The following NCAM1 variants were observed in gnomAD, a reference collection of about 807,000 sequenced individuals.
NCAM1 encodes the protein neural cell adhesion molecule 1.
In NCAM1, 14 loss-of-function variants were observed where a neutral mutation model predicts 109.8. The observed-to-expected ratio is 0.13, with a 90% CI of 0.08 to 0.20. NCAM1 has a LOEUF of 0.20. NCAM1 is among the 10% of genes least tolerant of loss of function. NCAM1 has a pLI of 1.00. For missense variants in NCAM1, 774 were observed against 1,109.9 expected (o/e 0.70, Z 4.30); for synonymous variants, 418 against 442.9 (o/e 0.94, Z 0.70).
chr11:113,098,271 C>T (rs534899723), intron 1 of NCAM1, among the ~76,000 whole-genome samples: 5 of 152,190 alleles, frequency 3.3e-5, no homozygotes, highest in African/African-American at 9.6e-5. Context: ...TAGGATTACG[C>T]CCCTTATCAG....
intron 9 of NCAM1, chr11:113,221,617 A>G (rs944273938): frequency 1.3e-5 from 4 of 314,450 alleles, no homozygotes; most frequent in Middle Eastern, 9.7e-4. Context: ...ATTGCCCCCA[A>G]TTCCCAGGCC....
At chr11:113,068,553 T>C (rs1318035005) in intron 1 of NCAM1, among the ~76,000 whole-genome samples, 1 of 152,192 alleles carries the variant, frequency 6.6e-6, no homozygotes, top group Non-Finnish European at 1.5e-5. Context: ...TCTGTAATCA[T>C]ATAGGTTGTT....
At chr11:112,967,049 T>G (rs1950746328) in intron 1 of NCAM1, among the ~76,000 whole-genome samples, 1 of 152,246 alleles carries the variant, frequency 6.6e-6, no homozygotes, top group Non-Finnish European at 1.5e-5. Flanking sequence ...AATTCAAAGA[T>G]TGCATGGCTG....
intron 13 of NCAM1, among the ~76,000 whole-genome samples, chr11:113,234,076 TC>T (rs1945090565): frequency 6.6e-6 from 1 of 151,994 alleles, no homozygotes; most frequent in Non-Finnish European, 1.5e-5. Context: ...CAGAATTAGT[TC>T]TGCCAGAAAG....
intron 14 of NCAM1, among the ~76,000 whole-genome samples, chr11:113,238,994 G>A (rs1466496225): frequency 6.6e-6 from 1 of 152,216 alleles, no homozygotes; most frequent in East Asian, 1.9e-4. Flanking sequence ...CAATAATGGG[G>A]TTGCTTTCTT....
Position 112,963,583 on chromosome 11 carries a change from C to A in NCAM1, c.52+1919C>A, listed in dbSNP as rs1950634741. ...CCCTGGGTCTCCGCTGCCACCTGGG[C>A]GGGGGCCACCCCGGTTATGCCCCTT... is the stretch of plus-strand genomic sequence containing the variant. On this transcript the variant is annotated intron_variant, in intron 1 of 19. Coordinates refer to ENST00000316851, the MANE Select transcript of NCAM1 (RefSeq NM_181351.5). This position sits in a 1 kb window ranked among gnomAD's most constrained non-coding sequence, Gnocchi z 4.6. 6.6e-6 allele frequency: 1 copy of A among 152,398 alleles called. No individual in the cohort carries two copies. The highest frequency in any genetic ancestry group is 1.5e-5 in the Non-Finnish European group (1 of 68,214). The allele number at this position is 152,398 out of a possible 1,614,324, so 9.4% of individuals were successfully genotyped here. A position where few individuals can be genotyped will look rare whatever the true frequency, so the allele number is the denominator to read the frequency against.
chr11:113,273,142 A>C lies in NCAM1; in HGVS notation c.2456+1266A>C. On this transcript the variant is annotated intron_variant, in intron 19 of 19. Coordinates refer to ENST00000316851, the MANE Select transcript of NCAM1 (RefSeq NM_181351.5). This position sits in a 1 kb window ranked among gnomAD's most constrained non-coding sequence, Gnocchi z 6.0. Reference sequence around the variant, plus strand: ...CCGGCTGGCCAGGCCACCCCTTCCAAGGGGCCCAGCGCCTCTGCCCCCTCC... The same window carrying C: ...CCGGCTGGCCAGGCCACCCCTTCCACGGGGCCCAGCGCCTCTGCCCCCTCC... The C allele has an allele frequency of 2.3e-6, 1 of 443,482 alleles. No homozygotes were observed. The allele number at this position is 443,482 out of a possible 1,614,324, so 27.5% of individuals were successfully genotyped here.
In NCAM1 at chr11:113,264,460, C is replaced by T. The variant is rs959043928; in HGVS notation, c.2131+4137C>T. The T allele has an allele frequency of 2.2e-5, 22 of 985,698 alleles. No homozygotes were observed. In the South Asian group the frequency reaches 3.8e-4, roughly 17 times the overall value. The allele number at this position is 985,698 out of a possible 1,614,324, so 61.1% of individuals were successfully genotyped here. A position where few individuals can be genotyped will look rare whatever the true frequency, so the allele number is the denominator to read the frequency against. ...CCTCTCAACCCAGCCACAAAACTCT[C>T]CCCGCTGGAGTCCCAGATGGCGCTT... On this transcript the variant is annotated intron_variant, in intron 17 of 19. Transcript: ENST00000316851.
chr11:113,277,871 AAAAAAG>A lies in NCAM1; in HGVS notation c.*2485_*2490del, dbSNP rs1383389275. On this transcript the variant is annotated 3_prime_UTR_variant, in exon 20 of 20. Coordinates refer to ENST00000316851, the MANE Select transcript of NCAM1 (RefSeq NM_181351.5). ...CTTTAAAAAAAAAAAAAAAAAAAAAAAAAAAGCAATGCTTTCTCTAAAATCAAAGAG... is the reference window on the plus strand; with the variant it reads ...CTTTAAAAAAAAAAAAAAAAAAAAAACAATGCTTTCTCTAAAATCAAAGAG... The A allele has an allele frequency of 2.6e-5, 4 of 154,302 alleles. No individual in the cohort carries two copies. The Admixed American group carries it at 2.6e-4, about 10-fold the overall frequency. 9.6% of individuals were successfully genotyped at this position (154,302 alleles called of 1,614,324 possible).
At chr11:112,972,351 A>G (rs1950907127) in intron 1 of NCAM1, among the ~76,000 whole-genome samples, 1 of 152,160 alleles carries the variant, frequency 6.6e-6, no homozygotes. Context: ...GGTTTTTATC[A>G]CGCCCACAAG....
At chr11:113,163,952 G>A (rs1298327907) in intron 1 of NCAM1, among the ~76,000 whole-genome samples, 1 of 152,134 alleles carries the variant, frequency 6.6e-6, no homozygotes, top group Non-Finnish European at 1.5e-5. Context: ...AGAGACAACT[G>A]TAGGACCCTA....
intron 15 of NCAM1, among the ~76,000 whole-genome samples, chr11:113,253,143 A>G (rs1245638319): frequency 6.6e-6 from 1 of 152,086 alleles, no homozygotes; most frequent in Non-Finnish European, 1.5e-5. Flanking sequence ...AACAAATCTA[A>G]AGATAAGAGA....
chr11:113,221,224 T>TA, intron 8 of NCAM1, 72 bp from the exon 9 acceptor site: 1 of 1,472,032 alleles, frequency 6.8e-7, no homozygotes, highest in South Asian at 1.2e-5. Flanking sequence ...TGCAGTGTGA[T>TA]ACATTCTCTA....
chr11:113,179,288 CA>C lies in NCAM1; in HGVS notation c.53-23089del. ...GAGTGTATGATTATGTGTGTACCCC[CA>C]ACTTGTTGATTCCTAAGTAAAGAAT... On this transcript the variant is annotated intron_variant, in intron 1 of 19. Coordinates refer to ENST00000316851, the MANE Select transcript of NCAM1 (RefSeq NM_181351.5). 2.0e-5 allele frequency among the ~76,000 whole-genome samples: 3 copies of C among 152,356 alleles called. No homozygotes were observed. In the East Asian group the frequency reaches 5.8e-4, roughly 29 times the overall value.
At chr11:113,272,539 C>T (rs1946305071) in intron 19 of NCAM1, among the ~76,000 whole-genome samples, 3 of 152,112 alleles carry the variant, frequency 2.0e-5, no homozygotes. Flanking sequence ...CCTCTGGGAC[C>T]TGGGAAGCCT....
intron 1 of NCAM1, among the ~76,000 whole-genome samples, chr11:112,976,652 G>A (rs1454188477): frequency 6.6e-6 from 1 of 151,894 alleles, no homozygotes; most frequent in Non-Finnish European, 1.5e-5. Context: ...CTGAAGGTAT[G>A]TAGATATTAT....
intron 15 of NCAM1, among the ~76,000 whole-genome samples, chr11:113,254,385 C>T (rs1555121927): frequency 6.6e-6 from 1 of 152,202 alleles, no homozygotes. Context: ...GTGCATCCTC[C>T]TTGTTGCAGC....
chr11:113,109,463 A>G (rs1940340435), intron 1 of NCAM1, among the ~76,000 whole-genome samples: 1 of 152,070 alleles, frequency 6.6e-6, no homozygotes, highest in East Asian at 1.9e-4. Context: ...GTGCTATGTG[A>G]TGAGAGCAAA....
intron 13 of NCAM1, among the ~76,000 whole-genome samples, chr11:113,234,787 A>G (rs1194853564): frequency 1.3e-5 from 2 of 152,108 alleles, no homozygotes; most frequent in Admixed American, 1.3e-4. Context: ...TTGGTCTGCC[A>G]TCTGTATCTG....
Sources: gnomAD v4.1 joint callset for allele counts (sites outside exome capture counted in the v4.1 genomes callset) on GRCh38, gnomAD v4.1.1 for gene constraint, Gnocchi (gnomAD v3.1) non-coding constraint, MANE v1.5 for transcripts, NCBI Gene and HGNC (gene_info 2026-07-23, HGNC 2026-07-21) for gene names.